The following KLHL29 variants were observed in gnomAD, a reference collection of about 807,000 sequenced individuals.
KLHL29 encodes the protein kelch like family member 29.
KLHL29 carries 21 observed loss-of-function variants against 80.4 expected under a neutral mutation model. The ratio of observed to expected loss-of-function variants is 0.26; its 90% CI spans 0.19 to 0.38. KLHL29 has a LOEUF of 0.38. KLHL29 is among the 10% of genes least tolerant of loss of function. The probability of loss-of-function intolerance (pLI) is 1.00; values close to 1 mark genes in which losing one functional copy is unlikely to be tolerated. For synonymous variants in KLHL29, 511 were observed against 526.8 expected, an observed-to-expected ratio of 0.97 and a Z score of 0.41; for missense variants, 867 against 1,223.9, an observed-to-expected ratio of 0.71 and a Z score of 4.35.
intron 3 of KLHL29, among the ~76,000 whole-genome samples, chr2:23,605,511 T>A (rs1668689418): frequency 6.6e-6 from 1 of 152,168 alleles, no homozygotes; most frequent in Admixed American, 6.5e-5. Context: ...CCCCAGGAAC[T>A]GCGCATGGTG....
At chr2:23,497,071 A>C (rs1356195018) in intron 2 of KLHL29, among the ~76,000 whole-genome samples, 1 of 152,062 alleles carries the variant, frequency 6.6e-6, no homozygotes, top group Non-Finnish European at 1.5e-5. Context: ...AAAAAAAAAA[A>C]AAACTATGAG....
intron 1 of KLHL29, among the ~76,000 whole-genome samples, chr2:23,428,834 T>C (rs1663079006): frequency 6.6e-6 from 1 of 152,316 alleles, no homozygotes; most frequent in Admixed American, 6.5e-5. Flanking sequence ...CAGCAAAGCC[T>C]CCCGGTACTT....
chr2:23,447,798 A>G (rs914271382), intron 1 of KLHL29, among the ~76,000 whole-genome samples: 16 of 152,284 alleles, frequency 1.1e-4, no homozygotes, highest in Non-Finnish European at 1.6e-4. Context: ...ATTTATCCCA[A>G]TAGATGTGAA....
rs368420455 is a variant in KLHL29, at chr2:23,641,500, G to GCCTC, written c.428-833_428-830dup. Among the ~76,000 whole-genome samples the GCCTC allele has an allele frequency of 1.6e-3, 241 of 152,266 alleles. 2 individuals carry two copies. Among genetic ancestry groups the GCCTC allele is most frequent in the African/African-American group, 5.2e-3 (218 of 41,552 alleles). On this transcript the variant is annotated intron_variant, in intron 4 of 13. Transcript: ENST00000486442. Reference sequence around the variant, plus strand: ...CCCATCTCCACCATCCCCTTCCCCTGCCTCCCTCAGAGGCGAGCTTGCAGA... The same window carrying GCCTC: ...CCCATCTCCACCATCCCCTTCCCCTGCCTCCCTCCCTCAGAGGCGAGCTTGCAGA...
intron 5 of KLHL29, among the ~76,000 whole-genome samples, chr2:23,648,431 T>G (rs1048366113): frequency 6.6e-6 from 1 of 151,840 alleles, no homozygotes; most frequent in African/African-American, 2.4e-5. Flanking sequence ...GGTTAATGAG[T>G]CCCAGGAGAT....
rs950955983 is a variant in KLHL29, at chr2:23,680,095, G to C, written c.941-4304G>C. ...GGATGCAGTGTGGAGGTGGCCTGGA[G>C]GGGGACAGGCTGGAAACAGGGAGAC... On this transcript the variant is annotated intron_variant, in intron 5 of 13. Transcript: ENST00000486442. This position sits in a 1 kb window ranked among gnomAD's most constrained non-coding sequence, Gnocchi z 4.1. Among the ~76,000 whole-genome samples the C allele has an allele frequency of 6.6e-6, 1 of 152,200 alleles. No individual in the cohort carries two copies. The highest frequency in any genetic ancestry group is 6.5e-5 in the Admixed American group (1 of 15,284).
chr2:23,460,732 G>A (rs899021787), intron 1 of KLHL29, among the ~76,000 whole-genome samples: 3 of 151,240 alleles, frequency 2.0e-5, no homozygotes, highest in African/African-American at 4.9e-5. Flanking sequence ...AGGGAGCATC[G>A]TGCAAACTCA....
At chr2:23,428,866 T>C (rs1165512946) in intron 1 of KLHL29, among the ~76,000 whole-genome samples, 2 of 152,240 alleles carry the variant, frequency 1.3e-5, no homozygotes. Flanking sequence ...TGCTTTGCAA[T>C]GTCCCAGCCT....
intron 1 of KLHL29, among the ~76,000 whole-genome samples, chr2:23,393,722 T>C (rs544391786): frequency 6.6e-6 from 1 of 152,336 alleles, no homozygotes; most frequent in East Asian, 1.9e-4. Flanking sequence ...GTTTTAACTC[T>C]TTCAACCTAC....
chr2:23,446,027 T>C lies in KLHL29; in HGVS notation c.-153-29533T>C, dbSNP rs115606580. ...ATGGTTTCCTTTCTTCGTTTTTTCA[T>C]TTTTTAACTTATATTTTTGCAATGC... On this transcript the variant is annotated intron_variant, in intron 1 of 13. Transcript: ENST00000486442. 4.0e-3 allele frequency among the ~76,000 whole-genome samples: 606 copies of C among 152,326 alleles called. 2 individuals are homozygous for C. Among genetic ancestry groups the C allele is most frequent in the African/African-American group, 0.013 (532 of 41,580 alleles).
In KLHL29 at chr2:23,413,593, C is replaced by G. The variant is rs190142683; in HGVS notation, c.-154+27813C>G. ...TCTCTAATGCCAAAATGAGTCTCCA[C>G]CCCTGGGGAGAGACGGGAGAAAGAA... is the stretch of plus-strand genomic sequence containing the variant. On this transcript the variant is annotated intron_variant, in intron 1 of 13. Transcript: ENST00000486442. Among the ~76,000 whole-genome samples the G allele has an allele frequency of 3.6e-3, 555 of 152,306 alleles. 3 individuals carry two copies. Among genetic ancestry groups the G allele is most frequent in the Non-Finnish European group, 5.3e-3 (360 of 68,020 alleles).
At chr2:23,555,030 G>A (rs1170472223) in intron 2 of KLHL29, among the ~76,000 whole-genome samples, 1 of 152,092 alleles carries the variant, frequency 6.6e-6, no homozygotes, top group East Asian at 1.9e-4. Flanking sequence ...GAGGGCACTT[G>A]AGCCACAGGG....
intron 3 of KLHL29, among the ~76,000 whole-genome samples, chr2:23,621,939 T>C (rs577128567): frequency 4.2e-4 from 64 of 152,240 alleles, no homozygotes; most frequent in Non-Finnish European, 7.9e-4. Flanking sequence ...TGACAGCTTG[T>C]GTGTAAATGT....
chr2:23,409,883 A>T (rs1446613561), intron 1 of KLHL29, among the ~76,000 whole-genome samples: 2 of 152,198 alleles, frequency 1.3e-5, no homozygotes, highest in Admixed American at 6.5e-5. Flanking sequence ...GGGGGAACTG[A>T]TCTGAGATTT....
At chr2:23,633,003 C>A (rs1197590019) in intron 3 of KLHL29, among the ~76,000 whole-genome samples, 1 of 152,130 alleles carries the variant, frequency 6.6e-6, no homozygotes, top group Non-Finnish European at 1.5e-5. Flanking sequence ...CAGAACCATG[C>A]CAGAGTTGTA....
intron 2 of KLHL29, among the ~76,000 whole-genome samples, chr2:23,477,598 G>A (rs1336984847): frequency 6.6e-6 from 1 of 152,226 alleles, no homozygotes; most frequent in Non-Finnish European, 1.5e-5. Context: ...GGAGCTGGTG[G>A]GCTGTTGGCA....
intron 3 of KLHL29, 118 bp from the exon 4 acceptor site, chr2:23,639,021 T>C (rs2149156088): frequency 2.0e-6 from 2 of 983,090 alleles, no homozygotes; most frequent in South Asian, 4.3e-5. Flanking sequence ...CTGTACTCAG[T>C]GGGCGAAGCT....
chr2:23,551,208 T>A (rs989252123), intron 2 of KLHL29, among the ~76,000 whole-genome samples: 3 of 152,258 alleles, frequency 2.0e-5, no homozygotes, highest in Non-Finnish European at 4.4e-5. Context: ...TACGCTGATA[T>A]TGTGTTGCCA....
chr2:23,584,807 G>A (rs1422231178), intron 3 of KLHL29, among the ~76,000 whole-genome samples: 1 of 152,200 alleles, frequency 6.6e-6, no homozygotes, highest in East Asian at 1.9e-4. Flanking sequence ...CACGATTTCA[G>A]CTCACTGCAA....
Sources: gnomAD v4.1 joint callset for allele counts (sites outside exome capture counted in the v4.1 genomes callset) on GRCh38, gnomAD v4.1.1 for gene constraint, Gnocchi (gnomAD v3.1) non-coding constraint, MANE v1.5 for transcripts, NCBI Gene and HGNC (gene_info 2026-07-23, HGNC 2026-07-21) for gene names.